Variants in ELOA observed in about 807,000 individuals in gnomAD.
ELOA encodes the protein elongin A, also known as elongin-A.
In ELOA, 15 loss-of-function variants were observed where a neutral mutation model predicts 85.2. The ratio of observed to expected loss-of-function variants is 0.18; its 90% CI spans 0.12 to 0.27. The LOEUF (loss-of-function observed/expected upper bound fraction) is 0.27. Ranked by LOEUF, ELOA falls within the 10% of genes least tolerant of loss-of-function variation. The pLI, the probability that ELOA is intolerant of heterozygous loss-of-function variation, is 1.00. For synonymous variants in ELOA, 348 were observed against 357.2 expected (o/e 0.97, Z 0.29); for missense variants, 769 against 952.7 (o/e 0.81, Z 2.54).
At position 23,757,108 on chromosome 1, in the gene ELOA, G is replaced by GC; in HGVS notation, c.2240_2241insC (p.Arg747SerfsTer17). On this transcript the variant is annotated frameshift_variant, in exon 10 of 11. Transcript: ENST00000613537. LOFTEE classifies it high-confidence loss of function. ...AGCAGCACTGTTTCCTATGATCCTAGGAAACCCACTGTGAAGAGTAAGTAA... is the reference window on the plus strand; with the variant it reads ...AGCAGCACTGTTTCCTATGATCCTAGCGAAACCCACTGTGAAGAGTAAGTAA... The GC allele has an allele frequency of 6.4e-7, 1 of 1,568,100 alleles. No individual in the cohort carries two copies. Among genetic ancestry groups the GC allele is most frequent in the Non-Finnish European group, 8.6e-7 (1 of 1,163,218 alleles).
At chr1:23,754,289 C>T (rs1297342431) in intron 6 of ELOA, 34 bp downstream of exon 6, 38 of 1,613,924 alleles carry the variant, frequency 2.4e-5, no homozygotes, top group Non-Finnish European at 3.0e-5. Context: ...CTCTCAAGCA[C>T]ATTGTAGCAC....
chr1:23,751,561 C>T lies in ELOA; in HGVS notation c.956C>T (p.Ala319Val). ...LKKKCLPPSE[A>V]ASDNHLKKPK... The stretch of plus-strand genomic sequence containing the variant: ...AAGAAGTGTTTGCCTCCCTCAGAGG[C>T]CGCTTCAGACAACCACCTGAAAAAG... The change falls in exon 4 of 11, where the codon GCC becomes GTC. Residue 319 changes from alanine to valine, a missense_variant. By Grantham distance (64) the Ala-to-Val change is moderately conservative. Coordinates refer to ENST00000613537, the MANE Select transcript of ELOA (RefSeq NM_003198.3). 6.2e-7 allele frequency: 1 copy of T among 1,614,120 alleles called. No homozygotes were observed. Among genetic ancestry groups the T allele is most frequent in the Non-Finnish European group, 8.5e-7 (1 of 1,180,032 alleles).
At chr1:23,752,837 G>A (rs745430408) in intron 5 of ELOA, among the ~76,000 whole-genome samples, 10 of 152,248 alleles carry the variant, frequency 6.6e-5, no homozygotes, top group Non-Finnish European at 1.3e-4. Flanking sequence ...CAGCTACTCC[G>A]GAGGCTGAGG....
At chr1:23,756,191 G>T in intron 8 of ELOA, 83 bp from the exon 9 acceptor site, 1 of 1,444,334 alleles carries the variant, frequency 6.9e-7, no homozygotes, top group Non-Finnish European at 9.3e-7. Context: ...GGGTTTCAGG[G>T]CACTCAAAAA....
Position 23,752,590 on chromosome 1 carries a change from C to G in ELOA, c.1537+72C>G, listed in dbSNP as rs925966831. On this transcript the variant is annotated intron_variant, in intron 5 of 10. Transcript: ENST00000613537. ...ATTCATTCAAGGCAGGGTACAGTGG[C>G]TCACACCTATAATTCCAGCACTTTG... 9.7e-6 allele frequency: 14 copies of G among 1,439,838 alleles called. No homozygotes were observed. The Admixed American group carries it at 1.2e-4, about 12-fold the overall frequency. 89.2% of individuals were successfully genotyped at this position (1,439,838 alleles called of 1,614,324 possible). A position where few individuals can be genotyped will look rare whatever the true frequency, so the allele number is the denominator to read the frequency against.
chr1:23,745,248 T>C (rs1297131299), intron 1 of ELOA, among the ~76,000 whole-genome samples: 2 of 152,212 alleles, frequency 1.3e-5, no homozygotes, highest in African/African-American at 4.8e-5. Context: ...TAATAAATGG[T>C]CATTATTTTT....
intron 10 of ELOA, among the ~76,000 whole-genome samples, chr1:23,758,277 T>A (rs1287728571): frequency 3.1e-4 from 33 of 106,060 alleles, no homozygotes; most frequent in African/African-American, 4.8e-4. Context: ...TTTTTTTTTT[T>A]TTTTTTTTTT....
rs1300579099 is a variant in ELOA, at chr1:23,750,920, G to A, written c.315G>A (p.Glu105=). 1 of 1,614,056 alleles carries A rather than the reference G, an allele frequency of 6.2e-7. No homozygotes were observed. The highest frequency in any genetic ancestry group is 8.5e-7 in the Non-Finnish European group (1 of 1,180,016). ...RKRPRDALQK[E]EEMEGDYQET... is the part of the protein sequence containing the mutation. The stretch of plus-strand genomic sequence containing the variant: ...GCCCTCGGGATGCCCTGCAGAAGGA[G>A]GAGGAGATGGAGGGGGACTACCAAG... The change falls in exon 4 of 11, where the codon GAG becomes GAA. Residue 105 remains glutamate, a synonymous_variant. Coordinates refer to ENST00000613537, the MANE Select transcript of ELOA (RefSeq NM_003198.3).
At position 23,751,138 on chromosome 1, in the gene ELOA, A is replaced by G; in HGVS notation, c.533A>G (p.Gln178Arg). ...GAGTCTTCTGATTATGGCCATGTTC[A>G]ATCCCCTCCATCTTGTACCAGTCCT... ...DPESSDYGHVQSPPSCTSPHQ... is the reference protein window; with the variant it reads ...DPESSDYGHVRSPPSCTSPHQ... The change falls in exon 4 of 11, where the codon CAA becomes CGA. Residue 178 changes from glutamine (Q) to arginine (R), a missense_variant. Physicochemically the swap from Gln to Arg is conservative, Grantham distance 43 (BLOSUM62 1). Around this residue, in one of 4 missense-constraint regions of ELOA, gnomAD observed 440 missense variants for 474.0 expected, o/e 0.93. Coordinates refer to ENST00000613537, the MANE Select transcript of ELOA (RefSeq NM_003198.3). 6.2e-7 allele frequency: 1 copy of G among 1,614,108 alleles called. No homozygotes were observed. The highest frequency in any genetic ancestry group is 8.5e-7 in the Non-Finnish European group (1 of 1,180,040).
intron 9 of ELOA, 60 bp from the exon 10 acceptor site, chr1:23,756,893 G>C: frequency 1.4e-6 from 2 of 1,425,978 alleles, no homozygotes; most frequent in African/African-American, 1.5e-5. Flanking sequence ...GCTTCAGGCT[G>C]TTCATGCTCA....
intron 1 of ELOA, among the ~76,000 whole-genome samples, chr1:23,746,371 G>T (rs958036393): frequency 6.6e-6 from 1 of 150,978 alleles, no homozygotes; most frequent in Admixed American, 6.6e-5. Flanking sequence ...ACTTTGGGAG[G>T]CCAAGAGGGG....
chr1:23,749,768 A>G, intron 2 of ELOA, 74 bp from the exon 3 acceptor site: 1 of 1,303,018 alleles, frequency 7.7e-7, no homozygotes, highest in Non-Finnish European at 1.1e-6. Context: ...TTCTCAAAGT[A>G]GAAAGCCTTA....
chr1:23,751,419 C>G lies in ELOA; in HGVS notation c.814C>G (p.His272Asp). Residue 272 changes from histidine to aspartate, a missense_variant, in exon 4 of 11, where the codon CAC becomes GAC. Around this residue, in one of 4 missense-constraint regions of ELOA, gnomAD observed 440 missense variants for 474.0 expected, o/e 0.93. Transcript: ENST00000613537. Reference protein sequence around the residue: ...KASVVSREKSHKALSKEENRR... With the variant: ...KASVVSREKSDKALSKEENRR... ...CTCTGTGGTGAGCAGAGAGAAATCA[C>G]ACAAGGCCCTCTCCAAAGAGGAGAA... 1 of 1,614,116 alleles carries G rather than the reference C, an allele frequency of 6.2e-7. No individual in the cohort carries two copies. Among genetic ancestry groups the G allele is most frequent in the South Asian group, 1.1e-5 (1 of 91,088 alleles).
intron 5 of ELOA, among the ~76,000 whole-genome samples, chr1:23,753,636 T>C (rs943956994): frequency 2.6e-5 from 4 of 152,198 alleles, no homozygotes; most frequent in African/African-American, 9.7e-5. Flanking sequence ...TGACATGGAA[T>C]GATCTCTCAG....
intron 5 of ELOA, among the ~76,000 whole-genome samples, chr1:23,753,092 G>A (rs1644779730): frequency 6.6e-6 from 1 of 152,202 alleles, no homozygotes; most frequent in African/African-American, 2.4e-5. Flanking sequence ...CAAGGCTGCA[G>A]TGAGCTCTGA....
chr1:23,748,337 G>A (rs1355677978), intron 1 of ELOA, among the ~76,000 whole-genome samples: 4 of 152,114 alleles, frequency 2.6e-5, no homozygotes, highest in African/African-American at 9.7e-5. Context: ...AGATTGTCAA[G>A]CCTGTCTCTG....
At position 23,761,292 on chromosome 1, in the gene ELOA, A is replaced by G. The variant is rs1254628499; in HGVS notation, c.*1719A>G. 6.6e-5 allele frequency: 10 copies of G among 152,124 alleles called. No homozygotes were observed. Among genetic ancestry groups the G allele is most frequent in the African/African-American group, 2.2e-4 (9 of 41,422 alleles). The allele number at this position is 152,124 out of a possible 1,614,324, so 9.4% of individuals were successfully genotyped here. A position where few individuals can be genotyped will look rare whatever the true frequency, so the allele number is the denominator to read the frequency against. On this transcript the variant is annotated 3_prime_UTR_variant, in exon 11 of 11. Coordinates refer to ENST00000613537, the MANE Select transcript of ELOA (RefSeq NM_003198.3). ...CCTGCCCCACAAATCTAATATTAGG[A>G]AGCCTCTTAACTGAAACCAAATGAA...
At chr1:23,752,071 C>T (rs1182173727) in intron 4 of ELOA, 41 bp downstream of exon 4, 1 of 1,538,648 alleles carries the variant, frequency 6.5e-7, no homozygotes, top group Non-Finnish European at 8.7e-7. Flanking sequence ...ACCCAGAGCA[C>T]CTGGCCCTGC....
intron 1 of ELOA, chr1:23,744,356 C>T (rs1644737175): frequency 6.6e-6 from 1 of 152,018 alleles, no homozygotes; most frequent in Admixed American, 6.5e-5. Context: ...ATTGTACAAA[C>T]TGAATATTAA....
Sources: gnomAD v4.1 joint callset for allele counts (sites outside exome capture counted in the v4.1 genomes callset) on GRCh38, gnomAD v4.1.1 for gene constraint, gnomAD v4.1.1 regional missense constraint, MANE v1.5 for transcripts, NCBI Gene and HGNC (gene_info 2026-07-23, HGNC 2026-07-21) for gene names.